The following HS6ST3 variants were observed in gnomAD, a reference collection of about 807,000 sequenced individuals.
The protein encoded by HS6ST3 is heparan-sulfate 6-O-sulfotransferase 3.
A neutral mutation model predicts 36.7 loss-of-function variants in HS6ST3; 12 were observed. The observed-to-expected ratio is 0.33, with a 90% CI of 0.21 to 0.53. The LOEUF (loss-of-function observed/expected upper bound fraction) is 0.53. HS6ST3 is among the 20% of genes least tolerant of loss of function. The pLI, the probability that HS6ST3 is intolerant of heterozygous loss-of-function variation, is 0.95. For missense variants in HS6ST3, 584 were observed against 640.9 expected, an observed-to-expected ratio of 0.91 and a Z score of 0.96; for synonymous variants, 240 against 257.5, an observed-to-expected ratio of 0.93 and a Z score of 0.65.
intron 1 of HS6ST3, among the ~76,000 whole-genome samples, chr13:96,172,192 C>A (rs963862364): frequency 6.6e-6 from 1 of 152,152 alleles, no homozygotes; most frequent in Non-Finnish European, 1.5e-5. Flanking sequence ...TATTGGACGC[C>A]CTCAACCTCA....
intron 1 of HS6ST3, among the ~76,000 whole-genome samples, chr13:96,813,222 G>A (rs2138536613): frequency 6.6e-6 from 1 of 152,278 alleles, no homozygotes; most frequent in East Asian, 1.9e-4. Context: ...AGCAAAAATA[G>A]GACAGAAAAT....
chr13:96,382,118 C>T (rs950957979), intron 1 of HS6ST3, among the ~76,000 whole-genome samples: 3 of 152,068 alleles, frequency 2.0e-5, no homozygotes, highest in Admixed American at 6.6e-5. Context: ...GCAGGAGCTG[C>T]GTTTGGTCCC....
At chr13:96,217,142 C>T (rs781314263) in intron 1 of HS6ST3, among the ~76,000 whole-genome samples, 3 of 152,152 alleles carry the variant, frequency 2.0e-5, no homozygotes, top group Middle Eastern at 3.2e-3. Flanking sequence ...GGAAGTTTCC[C>T]AGGGGTCCGG....
At chr13:96,629,035 G>T (rs2056522818) in intron 1 of HS6ST3, among the ~76,000 whole-genome samples, 1 of 151,386 alleles carries the variant, frequency 6.6e-6, no homozygotes, top group African/African-American at 2.4e-5. Context: ...TCTCATTTTT[G>T]GCCTCCTTTG....
intron 1 of HS6ST3, among the ~76,000 whole-genome samples, chr13:96,375,987 G>T (rs552365252): frequency 4.6e-5 from 7 of 152,194 alleles, no homozygotes; most frequent in African/African-American, 1.7e-4. Context: ...CTGGCATTTT[G>T]TTTCTTTAAT....
At chr13:96,743,126 C>T (rs1207066719) in intron 1 of HS6ST3, among the ~76,000 whole-genome samples, 1 of 152,082 alleles carries the variant, frequency 6.6e-6, no homozygotes, top group Non-Finnish European at 1.5e-5. Flanking sequence ...GAAGATCATG[C>T]TCCATCTCCA....
chr13:96,134,836 G>C (rs1165716762), intron 1 of HS6ST3, among the ~76,000 whole-genome samples: 1 of 152,168 alleles, frequency 6.6e-6, no homozygotes, highest in Non-Finnish European at 1.5e-5. Flanking sequence ...AATTGCATGT[G>C]ACACATTTTT....
chr13:96,354,470 G>A (rs1209551615), intron 1 of HS6ST3, among the ~76,000 whole-genome samples: 2 of 151,966 alleles, frequency 1.3e-5, no homozygotes, highest in Non-Finnish European at 2.9e-5. Context: ...TTACTTTTAT[G>A]ATCATGTATC....
intron 1 of HS6ST3, among the ~76,000 whole-genome samples, chr13:96,160,386 G>A (rs148738093): frequency 9.9e-5 from 15 of 152,148 alleles, no homozygotes; most frequent in Non-Finnish European, 1.9e-4. Context: ...TCTTTGAATT[G>A]AGTGAATGGT....
chr13:96,252,313 A>G (rs1187523585), intron 1 of HS6ST3, among the ~76,000 whole-genome samples: 1 of 152,224 alleles, frequency 6.6e-6, no homozygotes, highest in East Asian at 1.9e-4. Flanking sequence ...CATTTGAAGA[A>G]GGAGTCATTT....
chr13:96,616,080 G>C (rs2056473376), intron 1 of HS6ST3, among the ~76,000 whole-genome samples: 1 of 152,158 alleles, frequency 6.6e-6, no homozygotes, highest in African/African-American at 2.4e-5. Flanking sequence ...TCAACCATCT[G>C]CCTGTGAAAT....
intron 1 of HS6ST3, among the ~76,000 whole-genome samples, chr13:96,768,397 A>G (rs1877174660): frequency 6.6e-6 from 1 of 152,236 alleles, no homozygotes; most frequent in African/African-American, 2.4e-5. Flanking sequence ...TGCAGGCAGT[A>G]CATTTAAGTA....
At chr13:96,143,091 T>C (rs895020045) in intron 1 of HS6ST3, among the ~76,000 whole-genome samples, 31 of 152,122 alleles carry the variant, frequency 2.0e-4, no homozygotes, top group African/African-American at 7.5e-4. Context: ...TATCATAACA[T>C]AATGTAATCA....
chr13:96,229,531 G>A (rs115175315), intron 1 of HS6ST3, among the ~76,000 whole-genome samples: 1,584 of 152,180 alleles, frequency 0.01, 28 homozygotes, highest in African/African-American at 0.036. Flanking sequence ...CAGGAAACCC[G>A]CCCTCTAGTG....
intron 1 of HS6ST3, among the ~76,000 whole-genome samples, chr13:96,421,278 G>C (rs1244832743): frequency 6.6e-6 from 1 of 152,146 alleles, no homozygotes; most frequent in Non-Finnish European, 1.5e-5. Context: ...AAAAAGAAGA[G>C]AGATTCGTAA....
intron 1 of HS6ST3, among the ~76,000 whole-genome samples, chr13:96,626,585 G>A (rs1453913827): frequency 1.3e-5 from 2 of 151,972 alleles, no homozygotes; most frequent in African/African-American, 4.8e-5. Flanking sequence ...ATTGTACCTT[G>A]GTTGTTCTTG....
chr13:96,622,712 GT>G (rs1286085959), intron 1 of HS6ST3, among the ~76,000 whole-genome samples: 1 of 152,070 alleles, frequency 6.6e-6, no homozygotes, highest in Non-Finnish European at 1.5e-5. Flanking sequence ...CAATGATTAA[GT>G]TTTTGCCTTT....
At chr13:96,297,228 T>C (rs2054859510) in intron 1 of HS6ST3, among the ~76,000 whole-genome samples, 1 of 152,162 alleles carries the variant, frequency 6.6e-6, no homozygotes, top group Non-Finnish European at 1.5e-5. Flanking sequence ...GTCTTTATAA[T>C]GAACTTTTCC....
intron 1 of HS6ST3, among the ~76,000 whole-genome samples, chr13:96,459,834 T>G (rs914563959): frequency 6.6e-6 from 1 of 152,204 alleles, no homozygotes; most frequent in African/African-American, 2.4e-5. Flanking sequence ...ATAATCAAGA[T>G]CTACTTTAAT....
Sources: gnomAD v4.1 joint callset for allele counts (sites outside exome capture counted in the v4.1 genomes callset) on GRCh38, gnomAD v4.1.1 for gene constraint, MANE v1.5 for transcripts, NCBI Gene and HGNC (gene_info 2026-07-23, HGNC 2026-07-21) for gene names.